The following L3MBTL4 variants were observed in gnomAD, a reference collection of about 807,000 sequenced individuals.
The protein encoded by L3MBTL4 is lethal(3)malignant brain tumor-like protein 4.
In L3MBTL4, 70 loss-of-function variants were observed where a neutral mutation model predicts 84.5. That is an observed-to-expected ratio of 0.83 (90% confidence interval 0.68 to 1.01). L3MBTL4 has a LOEUF of 1.01. Ranked by LOEUF, L3MBTL4 falls within the 50% of genes least tolerant of loss-of-function variation. The probability of loss-of-function intolerance (pLI) is 0.00; values close to 1 mark genes in which losing one functional copy is unlikely to be tolerated. For missense variants in L3MBTL4, 715 were observed against 754.8 expected (o/e 0.95, Z 0.62); for synonymous variants, 274 against 259.8 (o/e 1.05, Z -0.52).
At chr18:6,351,331 A>C (rs2053175948) in intron 1 of L3MBTL4, among the ~76,000 whole-genome samples, 1 of 152,176 alleles carries the variant, frequency 6.6e-6, no homozygotes, top group African/African-American at 2.4e-5. Flanking sequence ...ATAAAGACGG[A>C]AAGTAGAATG....
chr18:6,169,502 TA>T (rs1415957647), intron 13 of L3MBTL4, among the ~76,000 whole-genome samples: 1 of 152,008 alleles, frequency 6.6e-6, no homozygotes, highest in African/African-American at 2.4e-5. Flanking sequence ...TGCAGCCATA[TA>T]AAACGATGAG....
chr18:6,258,119 G>A (rs909812059), intron 5 of L3MBTL4, among the ~76,000 whole-genome samples: 17 of 152,192 alleles, frequency 1.1e-4, no homozygotes, highest in Admixed American at 7.9e-4. Flanking sequence ...GGCAGGAAGA[G>A]GTGTGCTGAG....
chr18:6,115,961 G>T (rs1358443038), intron 14 of L3MBTL4, among the ~76,000 whole-genome samples: 2 of 152,174 alleles, frequency 1.3e-5, no homozygotes, highest in South Asian at 4.1e-4. Flanking sequence ...ATTTCTGCAT[G>T]GGTTGGGCAG....
intron 18 of L3MBTL4, among the ~76,000 whole-genome samples, chr18:5,958,112 G>A (rs905857254): frequency 1.2e-4 from 11 of 88,602 alleles, no homozygotes; most frequent in Non-Finnish European, 1.5e-4. Flanking sequence ...AGAAGAAGAA[G>A]AAGAAGAAGA....
At chr18:6,153,497 C>A (rs2042976472) in intron 13 of L3MBTL4, among the ~76,000 whole-genome samples, 4 of 152,048 alleles carry the variant, frequency 2.6e-5, no homozygotes, top group Admixed American at 2.0e-4. Context: ...ATTTGGATAG[C>A]TCATTGTTAG....
intron 14 of L3MBTL4, among the ~76,000 whole-genome samples, chr18:6,122,561 C>T (rs2059565125): frequency 6.6e-6 from 1 of 152,216 alleles, no homozygotes; most frequent in Non-Finnish European, 1.5e-5. Context: ...ACATGACTTG[C>T]TCTTCCTTGC....
At chr18:6,241,004 AAGC>A (rs1301372019) in intron 8 of L3MBTL4, among the ~76,000 whole-genome samples, 1 of 152,230 alleles carries the variant, frequency 6.6e-6, no homozygotes. Context: ...GGTACATTCA[AAGC>A]CTACTTAGAG....
intron 14 of L3MBTL4, among the ~76,000 whole-genome samples, chr18:6,102,322 T>C (rs2058860223): frequency 6.6e-6 from 1 of 152,178 alleles, no homozygotes; most frequent in Non-Finnish European, 1.5e-5. Flanking sequence ...CTTTCCCATA[T>C]CTCAATCAGT....
At chr18:6,105,412 A>G (rs1598761440) in intron 14 of L3MBTL4, among the ~76,000 whole-genome samples, 1 of 150,758 alleles carries the variant, frequency 6.6e-6, no homozygotes, top group African/African-American at 2.4e-5. Flanking sequence ...CTGGTCTCGA[A>G]CTCCTGATCT....
chr18:6,293,510 G>A (rs1345795612), intron 4 of L3MBTL4, among the ~76,000 whole-genome samples: 6 of 151,960 alleles, frequency 3.9e-5, no homozygotes, highest in African/African-American at 9.7e-5. Flanking sequence ...AAGAAGCCAT[G>A]AGTCCATTAA....
At chr18:6,164,429 C>G (rs1223171869) in intron 13 of L3MBTL4, among the ~76,000 whole-genome samples, 2 of 152,228 alleles carry the variant, frequency 1.3e-5, no homozygotes, top group Non-Finnish European at 1.5e-5. Context: ...GAGGCACCCC[C>G]CGCTAGGGGC....
intron 12 of L3MBTL4, among the ~76,000 whole-genome samples, chr18:6,193,977 G>T (rs374472153): frequency 6.6e-6 from 1 of 152,130 alleles, no homozygotes; most frequent in Non-Finnish European, 1.5e-5. Context: ...TGCATTCATG[G>T]CAGTACTTTG....
At chr18:5,987,071 G>A (rs141047737) in intron 16 of L3MBTL4, among the ~76,000 whole-genome samples, 9 of 152,240 alleles carry the variant, frequency 5.9e-5, no homozygotes, top group South Asian at 2.1e-4. Context: ...TTGCTGCTTC[G>A]CTGACCCTGA....
At chr18:6,187,061 G>A (rs1164531785) in intron 12 of L3MBTL4, among the ~76,000 whole-genome samples, 2 of 152,184 alleles carry the variant, frequency 1.3e-5, no homozygotes, top group Non-Finnish European at 2.9e-5. Context: ...ACAATTCTAT[G>A]CTTTCTGTAT....
At chr18:6,042,140 A>G (rs2145723551) in intron 16 of L3MBTL4, among the ~76,000 whole-genome samples, 1 of 152,270 alleles carries the variant, frequency 6.6e-6, no homozygotes, top group Middle Eastern at 3.4e-3. Context: ...CAGAGAAAAT[A>G]GAAGCCACCA....
At chr18:6,382,256 T>G (rs1304128393) in intron 1 of L3MBTL4, among the ~76,000 whole-genome samples, 2 of 152,222 alleles carry the variant, frequency 1.3e-5, no homozygotes, top group Admixed American at 6.5e-5. Flanking sequence ...GGTTCTTAGC[T>G]TCCTTGCATT....
At chr18:6,399,186 TC>T (rs1318361709) in intron 1 of L3MBTL4, among the ~76,000 whole-genome samples, 3 of 152,188 alleles carry the variant, frequency 2.0e-5, no homozygotes, top group Non-Finnish European at 4.4e-5. Context: ...AAGCCTGTAA[TC>T]CCAGCACGTT....
intron 16 of L3MBTL4, among the ~76,000 whole-genome samples, chr18:6,055,140 C>T (rs2056976600): frequency 6.6e-6 from 1 of 152,200 alleles, no homozygotes; most frequent in Admixed American, 6.5e-5. Context: ...TCCTGAGTTA[C>T]ATATGAAAGA....
Position 6,248,121 on chromosome 18 carries a change from C to G in L3MBTL4, c.220-3533G>C, listed in dbSNP as rs567498828. Among the ~76,000 whole-genome samples the G allele has an allele frequency of 5.9e-5, 9 of 152,252 alleles. No individual in the cohort carries two copies. In the South Asian group the frequency reaches 8.3e-4, roughly 14 times the overall value. ...CAGATATGTCTAAGACTAATCCCCC[C>G]CCAAAAGGTTTGTTCTGCCCTCCTG... On this transcript the variant is annotated intron_variant, in intron 5 of 18. Transcript: ENST00000317931.
Sources: allele counts gnomAD v4.1 joint callset (sites outside exome capture counted in the v4.1 genomes callset), GRCh38; gene constraint gnomAD v4.1.1; transcripts MANE v1.5; gene names NCBI Gene and HGNC (gene_info 2026-07-23, HGNC 2026-07-21).